NEK7: variants seen among roughly 807,000 people sequenced by gnomAD.
NEK7 encodes the protein NIMA related kinase 7.
In NEK7, 18 loss-of-function variants were observed where a neutral mutation model predicts 44.6. That is an observed-to-expected ratio of 0.40 (90% CI 0.28 to 0.60). The LOEUF (loss-of-function observed/expected upper bound fraction) is 0.60, where lower values mean the gene tolerates loss of function less well. Among genes scored for constraint, NEK7 ranks in the 20% least tolerant of loss-of-function variants. The pLI, the probability that NEK7 is intolerant of heterozygous loss-of-function variation, is 0.38. For missense variants in NEK7, 256 were observed against 366.5 expected, an observed-to-expected ratio of 0.70 and a Z score of 2.46; for synonymous variants, 130 against 121.1, an observed-to-expected ratio of 1.07 and a Z score of -0.48.
At chr1:198,182,992 G>A (rs748232932) in intron 1 of NEK7, among the ~76,000 whole-genome samples, 64 of 152,298 alleles carry the variant, frequency 4.2e-4, no homozygotes, top group Non-Finnish European at 8.1e-4. Context: ...GAAGCATAGG[G>A]ATTTGTGCTT....
chr1:198,173,182 A>G (rs1298745819), intron 1 of NEK7, among the ~76,000 whole-genome samples: 1 of 152,072 alleles, frequency 6.6e-6, no homozygotes, highest in East Asian at 1.9e-4. Flanking sequence ...TAATTCTACC[A>G]CTTTGGGAGG....
chr1:198,276,859 A>G (rs1484591155), intron 5 of NEK7, among the ~76,000 whole-genome samples: 3 of 151,650 alleles, frequency 2.0e-5, no homozygotes, highest in Non-Finnish European at 4.4e-5. Flanking sequence ...CTGTTTTTCC[A>G]TTCAGCCTGC....
intron 1 of NEK7, among the ~76,000 whole-genome samples, chr1:198,231,925 A>G (rs1666408543): frequency 6.6e-6 from 1 of 152,078 alleles, no homozygotes; most frequent in South Asian, 2.1e-4. Context: ...ATCAGTGCAA[A>G]TGTAGTTCCT....
At chr1:198,245,084 A>T (rs747733725) in intron 2 of NEK7, 3 of 164,024 alleles carry the variant, frequency 1.8e-5, no homozygotes, top group Non-Finnish European at 2.9e-5. Flanking sequence ...ACTACAGAAA[A>T]GGAAATGTTA....
intron 3 of NEK7, among the ~76,000 whole-genome samples, chr1:198,259,651 A>G (rs1653387481): frequency 6.6e-6 from 1 of 152,126 alleles, no homozygotes; most frequent in African/African-American, 2.4e-5. Flanking sequence ...CCTATAACTA[A>G]TATCAAGTTC....
intron 5 of NEK7, among the ~76,000 whole-genome samples, chr1:198,267,838 G>GTTCT (rs886590941): frequency 6.6e-6 from 1 of 151,872 alleles, no homozygotes; most frequent in Non-Finnish European, 1.5e-5. Flanking sequence ...TACTACCCTA[G>GTTCT]TTCTTTTTTT....
At chr1:198,304,618 A>C (rs1487219018) in intron 9 of NEK7, among the ~76,000 whole-genome samples, 1 of 152,136 alleles carries the variant, frequency 6.6e-6, no homozygotes, top group Non-Finnish European at 1.5e-5. Flanking sequence ...AAAGAGCCCT[A>C]TTGTTATTAC....
At chr1:198,227,384 A>C (rs915095870) in intron 1 of NEK7, among the ~76,000 whole-genome samples, 2 of 152,240 alleles carry the variant, frequency 1.3e-5, no homozygotes, top group African/African-American at 4.8e-5. Context: ...GTATATACCC[A>C]GTAATGGGAT....
intron 9 of NEK7, 72 bp from the exon 10 acceptor site, chr1:198,319,340 A>G: frequency 1.1e-6 from 1 of 928,454 alleles, no homozygotes. Flanking sequence ...GCTATTCATA[A>G]TTTCTTCCTC....
intron 1 of NEK7, among the ~76,000 whole-genome samples, chr1:198,159,236 T>G (rs1448407157): frequency 6.6e-6 from 1 of 152,070 alleles, no homozygotes; most frequent in Non-Finnish European, 1.5e-5. Flanking sequence ...AAGGCCGCGT[T>G]AGTTCTTTTT....
chr1:198,309,609 A>C, intron 9 of NEK7, among the ~76,000 whole-genome samples: 1 of 150,692 alleles, frequency 6.6e-6, no homozygotes, highest in African/African-American at 2.4e-5. Flanking sequence ...CCACCCCACA[A>C]CAGTCCCCAG....
chr1:198,188,253 A>C (rs1206665955), intron 1 of NEK7, among the ~76,000 whole-genome samples: 2 of 152,160 alleles, frequency 1.3e-5, no homozygotes, highest in African/African-American at 4.8e-5. Context: ...GTTTTAGAGG[A>C]AATGACTAAG....
At chr1:198,253,344 T>A (rs1013551886) in intron 3 of NEK7, among the ~76,000 whole-genome samples, 164 bp downstream of exon 3, 2 of 152,016 alleles carry the variant, frequency 1.3e-5, no homozygotes, top group Admixed American at 6.6e-5. Context: ...TAGTATGGAG[T>A]GGAAATATTA....
chr1:198,180,177 C>T (rs1175524302), intron 1 of NEK7, among the ~76,000 whole-genome samples: 4 of 151,542 alleles, frequency 2.6e-5, no homozygotes, highest in African/African-American at 7.2e-5. Flanking sequence ...ATGATTTCTA[C>T]ACCTCCCTTT....
chr1:198,259,830 T>C (rs1653396857), intron 3 of NEK7, among the ~76,000 whole-genome samples: 2 of 152,060 alleles, frequency 1.3e-5, no homozygotes, highest in South Asian at 2.1e-4. Flanking sequence ...CACACACATA[T>C]ATATTTTCCT....
At chr1:198,190,786 A>G (rs1665051011) in intron 1 of NEK7, among the ~76,000 whole-genome samples, 1 of 152,012 alleles carries the variant, frequency 6.6e-6, no homozygotes, top group Non-Finnish European at 1.5e-5. Flanking sequence ...AAAGAGAAGG[A>G]TGATAATTTT....
chr1:198,283,113 T>G (rs1423650712), intron 7 of NEK7, among the ~76,000 whole-genome samples: 2 of 152,094 alleles, frequency 1.3e-5, no homozygotes, highest in Non-Finnish European at 2.9e-5. Context: ...GGATACAGGA[T>G]AAGCTCTGTC....
chr1:198,265,278 A>C (rs927128113), intron 5 of NEK7, among the ~76,000 whole-genome samples: 7 of 152,140 alleles, frequency 4.6e-5, no homozygotes, highest in African/African-American at 1.4e-4. Context: ...TCAGCTGGCC[A>C]TATGCCCAGC....
At chr1:198,265,928 C>G (rs1397547801) in intron 5 of NEK7, among the ~76,000 whole-genome samples, 1 of 152,076 alleles carries the variant, frequency 6.6e-6, no homozygotes, top group African/African-American at 2.4e-5. Context: ...ACTTAACCAT[C>G]ATAATAAAAC....
Sources: gnomAD v4.1 joint callset for allele counts (sites outside exome capture counted in the v4.1 genomes callset) on GRCh38, gnomAD v4.1.1 for gene constraint, MANE v1.5 for transcripts, NCBI Gene and HGNC (gene_info 2026-07-23, HGNC 2026-07-21) for gene names.